The following CDC73 variants were observed in gnomAD, a reference collection of about 807,000 sequenced individuals.
CDC73 encodes the protein cell division cycle 73, also known as parafibromin.
CDC73 carries 21 observed loss-of-function variants against 83.7 expected under a neutral mutation model. The ratio of observed to expected loss-of-function variants is 0.25; its 90% CI spans 0.18 to 0.36. The LOEUF (loss-of-function observed/expected upper bound fraction) is 0.36, where lower values mean the gene tolerates loss of function less well. Ranked by LOEUF, CDC73 falls within the 10% of genes least tolerant of loss-of-function variation. CDC73 has a pLI of 1.00. For missense variants in CDC73, 342 were observed against 653.3 expected, an observed-to-expected ratio of 0.52 and a Z score of 5.19; for synonymous variants, 224 against 212.9, an observed-to-expected ratio of 1.05 and a Z score of -0.45.
At chr1:193,146,392 T>A (rs2370028) in intron 7 of CDC73, among the ~76,000 whole-genome samples, 3 of 151,812 alleles carry the variant, frequency 2.0e-5, no homozygotes, top group African/African-American at 7.3e-5. Context: ...GACAAGAAAT[T>A]TATTTCTCAT....
chr1:193,138,791 T>G (rs2103124275), intron 6 of CDC73, among the ~76,000 whole-genome samples: 1 of 150,972 alleles, frequency 6.6e-6, no homozygotes, highest in South Asian at 2.1e-4. Flanking sequence ...TTTTTTTTTT[T>G]GGAGACGGAG....
chr1:193,122,193 G>GT lies in CDC73; in HGVS notation c.-8_-7insT. 8 of 1,613,254 alleles carry GT rather than the reference G, an allele frequency of 5.0e-6. No individual in the cohort carries two copies. Among genetic ancestry groups the GT allele is most frequent in the Non-Finnish European group, 6.8e-6 (8 of 1,179,330 alleles). The stretch of plus-strand genomic sequence containing the variant: ...CGCCCCGAGCCGGCGGAGGCGAGGG[G>GT]GGGGAAGATGGCGGACGTGCTTAGC... On this transcript the variant is annotated 5_prime_UTR_variant, in exon 1 of 17. Transcript: ENST00000367435.
intron 10 of CDC73, among the ~76,000 whole-genome samples, chr1:193,170,310 C>T (rs1676498794): frequency 6.6e-6 from 1 of 152,090 alleles, no homozygotes; most frequent in Non-Finnish European, 1.5e-5. Flanking sequence ...AGTATATAAC[C>T]AGTAATGAGA....
chr1:193,198,378 GTAA>G (rs964689239), intron 10 of CDC73, among the ~76,000 whole-genome samples: 7 of 152,214 alleles, frequency 4.6e-5, no homozygotes, highest in Non-Finnish European at 7.3e-5. Flanking sequence ...TTAATGCCCT[GTAA>G]AAGGGCTGGA....
At chr1:193,127,163 A>G (rs1357990678) in intron 2 of CDC73, among the ~76,000 whole-genome samples, 1 of 151,886 alleles carries the variant, frequency 6.6e-6, no homozygotes, top group Non-Finnish European at 1.5e-5. Context: ...CCAGCTGGCT[A>G]CTCAAGGGGC....
At chr1:193,181,521 C>T (rs1174175158) in intron 10 of CDC73, 3 of 1,608,338 alleles carry the variant, frequency 1.9e-6, no homozygotes, top group Non-Finnish European at 2.5e-6. Context: ...CATTCCAGGT[C>T]ATCTTTGCAA....
At chr1:193,210,319 G>A (rs1001500824) in intron 11 of CDC73, among the ~76,000 whole-genome samples, 6 of 152,162 alleles carry the variant, frequency 3.9e-5, no homozygotes, top group African/African-American at 1.4e-4. Flanking sequence ...CTGAAAGTGT[G>A]TGTGCTGTGT....
At chr1:193,131,317 T>C (rs553084573) in intron 3 of CDC73, among the ~76,000 whole-genome samples, 15 of 152,328 alleles carry the variant, frequency 9.8e-5, no homozygotes, top group Admixed American at 8.5e-4. Context: ...TTTGGTGACA[T>C]CTTTGTCACA....
In CDC73 at chr1:193,144,628, T is replaced by G. The variant is rs1675964013; in HGVS notation, c.729+2562T>G. ...TGATGACGTTTTTAAAATTTATGAA[T>G]TTTGTTAAATCTTGACCCTCAAGTG... On this transcript the variant is annotated intron_variant, in intron 7 of 16. Coordinates refer to ENST00000367435, the MANE Select transcript of CDC73 (RefSeq NM_024529.5). 2.0e-5 allele frequency among the ~76,000 whole-genome samples: 3 copies of G among 152,290 alleles called. No individual in the cohort carries two copies. The South Asian group carries it at 6.2e-4, about 32-fold the overall frequency.
chr1:193,217,182 G>T (rs1039031721), intron 13 of CDC73, among the ~76,000 whole-genome samples: 1 of 152,104 alleles, frequency 6.6e-6, no homozygotes, highest in Non-Finnish European at 1.5e-5. Flanking sequence ...ACACCGACGG[G>T]CAGGCTGTGG....
intron 10 of CDC73, among the ~76,000 whole-genome samples, chr1:193,165,544 A>G (rs1004967748): frequency 1.3e-5 from 2 of 151,824 alleles, no homozygotes; most frequent in Admixed American, 1.3e-4. Flanking sequence ...GTGAAGATAC[A>G]TACAGCATAA....
chr1:193,135,787 A>G (rs753546919), intron 5 of CDC73, among the ~76,000 whole-genome samples, 198 bp downstream of exon 5: 1 of 151,950 alleles, frequency 6.6e-6, no homozygotes, highest in Non-Finnish European at 1.5e-5. Context: ...GTGAGGGACA[A>G]ATCATTTTAT....
chr1:193,189,004 G>GGTAC (rs1676874738), intron 10 of CDC73, among the ~76,000 whole-genome samples: 1 of 151,114 alleles, frequency 6.6e-6, no homozygotes, highest in Non-Finnish European at 1.5e-5. Context: ...CCCAGGCTGG[G>GGTAC]GTACAGTGGC....
At chr1:193,178,969 T>C (rs1558300020) in intron 10 of CDC73, 1 of 152,204 alleles carries the variant, frequency 6.6e-6, no homozygotes, top group Non-Finnish European at 1.5e-5. Flanking sequence ...TTTTAGTTAG[T>C]AGGTTGGTAT....
At chr1:193,180,444 G>A (rs1458858365) in intron 10 of CDC73, 2 of 1,614,038 alleles carry the variant, frequency 1.2e-6, no homozygotes, top group East Asian at 2.2e-5. Context: ...TGTATTTACA[G>A]CTCGAATAAG....
At chr1:193,241,127 T>C (rs1428254452) in intron 15 of CDC73, among the ~76,000 whole-genome samples, 1 of 152,252 alleles carries the variant, frequency 6.6e-6, no homozygotes, top group Non-Finnish European at 1.5e-5. Flanking sequence ...GCACATCTGG[T>C]ATAAACATTG....
At chr1:193,162,245 A>AATATATATTATCTATTATATTGTATG (rs1676343843) in intron 10 of CDC73, among the ~76,000 whole-genome samples, 1 of 123,540 alleles carries the variant, frequency 8.1e-6, no homozygotes, top group Non-Finnish European at 1.6e-5. Context: ...TATATAATAT[A>AATATATATTATCTATTATATTGTATG]TAATAAATAT....
intron 10 of CDC73, among the ~76,000 whole-genome samples, chr1:193,177,471 A>T (rs1572177637): frequency 1.3e-5 from 2 of 149,144 alleles, no homozygotes; most frequent in South Asian, 2.1e-4. Context: ...CGGAGCTTGC[A>T]GTGAGCCGAG....
chr1:193,209,965 G>A (rs1021465032), intron 11 of CDC73, among the ~76,000 whole-genome samples: 1 of 151,508 alleles, frequency 6.6e-6, no homozygotes, highest in African/African-American at 2.4e-5. Context: ...TATCCATCCT[G>A]TTACCCCTTT....
Sources: gnomAD v4.1 joint callset for allele counts (sites outside exome capture counted in the v4.1 genomes callset) on GRCh38, gnomAD v4.1.1 for gene constraint, MANE v1.5 for transcripts, NCBI Gene and HGNC (gene_info 2026-07-23, HGNC 2026-07-21) for gene names.